Variants in CNOT2 observed in about 807,000 individuals in gnomAD.
CNOT2 encodes the protein CC chemokine receptor 4-negative regulator of transcription 2.
CNOT2 carries 7 observed loss-of-function variants against 72.1 expected under a neutral mutation model. The observed-to-expected ratio is 0.10, with a 90% confidence interval of 0.06 to 0.18. The LOEUF is 0.18. Ranked by LOEUF, CNOT2 falls within the 10% of genes least tolerant of loss-of-function variation. The probability of loss-of-function intolerance (pLI) is 1.00; values close to 1 mark genes in which losing one functional copy is unlikely to be tolerated. For synonymous variants in CNOT2, 196 were observed against 225.6 expected (o/e 0.87, Z 1.17); for missense variants, 345 against 660.3 (o/e 0.52, Z 5.23).
At chr12:70,342,054 T>A (rs1881582762) in intron 11 of CNOT2, 53 bp from the exon 12 acceptor site, 2 of 1,091,710 alleles carry the variant, frequency 1.8e-6, no homozygotes, top group Admixed American at 1.7e-5. Flanking sequence ...TGAAATAAAA[T>A]TAGAAATCTC....
chr12:70,277,929 A>G (rs1431905997), intron 1 of CNOT2, among the ~76,000 whole-genome samples: 7 of 152,220 alleles, frequency 4.6e-5, no homozygotes, highest in Non-Finnish European at 2.9e-5. Flanking sequence ...AGAAGTGGGT[A>G]GGAAGAATGT....
At chr12:70,253,875 CT>C (rs1463393944) in intron 1 of CNOT2, among the ~76,000 whole-genome samples, 2 of 152,242 alleles carry the variant, frequency 1.3e-5, no homozygotes, top group Middle Eastern at 3.4e-3. Context: ...CTGTTCCCCC[CT>C]ATACATACAT....
intron 2 of CNOT2, chr12:70,294,095 A>G: frequency 6.2e-6 from 8 of 1,283,356 alleles, no homozygotes; most frequent in Non-Finnish European, 8.1e-6. Context: ...ATCGTTTATC[A>G]TGTTCTGGTT....
intron 2 of CNOT2, among the ~76,000 whole-genome samples, chr12:70,298,155 C>G (rs1009562192): frequency 1.3e-5 from 2 of 152,176 alleles, no homozygotes; most frequent in African/African-American, 4.8e-5. Flanking sequence ...GCTTTTGTCT[C>G]ACATGTCTAT....
intron 1 of CNOT2, 98 bp from the exon 2 acceptor site, chr12:70,278,034 T>G: frequency 2.1e-6 from 1 of 486,280 alleles, no homozygotes; most frequent in Non-Finnish European, 3.7e-6. Flanking sequence ...AATTACTTTT[T>G]GTTTTTTGTT....
At chr12:70,352,298 A>G (rs1447784646) in intron 15 of CNOT2, among the ~76,000 whole-genome samples, 1 of 152,206 alleles carries the variant, frequency 6.6e-6, no homozygotes, top group African/African-American at 2.4e-5. Flanking sequence ...TTCTTCAGGT[A>G]CAAAATGAAA....
At position 70,299,839 on chromosome 12, in the gene CNOT2, A is replaced by G. The variant is rs555305558; in HGVS notation, c.49-11056A>G. Among the ~76,000 whole-genome samples the G allele has an allele frequency of 4.0e-3, 602 of 152,330 alleles. 4 individuals are homozygous for G. The highest frequency in any genetic ancestry group is 0.014 in the African/African-American group (574 of 41,564). On this transcript the variant is annotated intron_variant, in intron 2 of 15. Coordinates refer to ENST00000229195, the MANE Select transcript of CNOT2 (RefSeq NM_014515.7). The stretch of plus-strand genomic sequence containing the variant: ...GGTTGAACTAGTTTACAGTCCCACC[A>G]GCAGTGTAAAAGTGTTCCTATTTCT...
intron 15 of CNOT2, among the ~76,000 whole-genome samples, chr12:70,352,764 T>C (rs1883025893): frequency 1.3e-5 from 2 of 152,210 alleles, no homozygotes. Context: ...CATTTTTTTC[T>C]AATATACATA....
intron 11 of CNOT2, among the ~76,000 whole-genome samples, chr12:70,339,070 G>A (rs1881124631): frequency 7.7e-6 from 1 of 129,486 alleles, no homozygotes; most frequent in African/African-American, 3.3e-5. Flanking sequence ...GTATATATGT[G>A]TGTGTGTATA....
Position 70,285,230 on chromosome 12 carries a change from G to A in CNOT2, c.48+6956G>A, listed in dbSNP as rs1273456314. Among the ~76,000 whole-genome samples the A allele has an allele frequency of 1.3e-4, 20 of 149,648 alleles. 1 individual carries two copies. On this transcript the variant is annotated intron_variant, in intron 2 of 15. Coordinates refer to ENST00000229195, the MANE Select transcript of CNOT2 (RefSeq NM_014515.7). ...TTTTTGTTTTTGTTTTTTTTTTTTA[G>A]ACGAACTCTTGCTCTGTTGCCCAGG...
chr12:70,250,448 A>G (rs1029526348), intron 1 of CNOT2, among the ~76,000 whole-genome samples: 6 of 152,120 alleles, frequency 3.9e-5, no homozygotes, highest in Admixed American at 1.3e-4. Context: ...ATGAGTGTTT[A>G]GTCTCTGCTT....
chr12:70,326,040 T>C (rs1175319640), intron 4 of CNOT2, among the ~76,000 whole-genome samples: 1 of 148,144 alleles, frequency 6.8e-6, no homozygotes, highest in Admixed American at 6.7e-5. Flanking sequence ...ATTTCTTAGA[T>C]CATATTCTTT....
At chr12:70,261,399 CCACCTCCTAGGTT>C (rs1476856675) in intron 1 of CNOT2, among the ~76,000 whole-genome samples, 1 of 144,664 alleles carries the variant, frequency 6.9e-6, no homozygotes, top group African/African-American at 2.5e-5. Context: ...ACTGCAACCT[CCACCTCCTAGGTT>C]CACGCCATTC....
intron 1 of CNOT2, among the ~76,000 whole-genome samples, chr12:70,263,665 T>C (rs1224954338): frequency 6.6e-6 from 1 of 152,240 alleles, no homozygotes; most frequent in Non-Finnish European, 1.5e-5. Flanking sequence ...GAAGTCTTTA[T>C]TAAGTCTGAC....
chr12:70,354,171 T>C lies in CNOT2; in HGVS notation c.*256T>C. The C allele has an allele frequency of 1.8e-6, 1 of 547,570 alleles. No individual in the cohort carries two copies. Among genetic ancestry groups the C allele is most frequent in the Non-Finnish European group, 2.8e-6 (1 of 359,906 alleles). 33.9% of individuals were successfully genotyped at this position (547,570 alleles called of 1,614,324 possible). On this transcript the variant is annotated 3_prime_UTR_variant, in exon 16 of 16. Coordinates refer to ENST00000229195, the MANE Select transcript of CNOT2 (RefSeq NM_014515.7). ...CTGAATTTTTTCATTTATTTCCTTT[T>C]TTGCCAGCAGACAGACTTGAGTCTG...
chr12:70,260,586 A>G (rs144109288), intron 1 of CNOT2, among the ~76,000 whole-genome samples: 1 of 151,782 alleles, frequency 6.6e-6, no homozygotes, highest in South Asian at 2.1e-4. Context: ...TATATTTTCA[A>G]GTCTCCTGTT....
rs1387097201 is a variant in CNOT2 at position 70,308,579 on chromosome 12, C to G, written c.49-2316C>G. Among the ~76,000 whole-genome samples, 8 of 146,114 alleles carry G rather than the reference C, an allele frequency of 5.5e-5. No homozygotes were observed. The East Asian group carries it at 1.8e-3, about 32-fold the overall frequency. Reference sequence around the variant, plus strand: ...TTTCTCTCTCTCTCTCTCTCTCTCTCTCTCTCACACACACACACACACACA... The same window carrying G: ...TTTCTCTCTCTCTCTCTCTCTCTCTGTCTCTCACACACACACACACACACA... On this transcript the variant is annotated intron_variant, in intron 2 of 15. Coordinates refer to ENST00000229195, the MANE Select transcript of CNOT2 (RefSeq NM_014515.7).
chr12:70,321,619 A>C (rs993791659), intron 4 of CNOT2: 28 of 151,918 alleles, frequency 1.8e-4, no homozygotes, highest in African/African-American at 6.8e-4. Flanking sequence ...TCCCAAGTGC[A>C]TTGAGTACCA....
At position 70,319,279 on chromosome 12, in the gene CNOT2, A is replaced by G. The variant is rs1056415796; in HGVS notation, c.172-19A>G. 2.5e-6 allele frequency: 4 copies of G among 1,606,284 alleles called. No individual in the cohort carries two copies. Among genetic ancestry groups the G allele is most frequent in the Admixed American group, 1.7e-5 (1 of 59,740 alleles). ...TGCTCTGTTTTCTTTATGCTCTAAT[A>G]TAATTAATTTGTTTCTAGATGCTGG... On this transcript the variant is annotated intron_variant, in intron 3 of 15. Coordinates refer to ENST00000229195, the MANE Select transcript of CNOT2 (RefSeq NM_014515.7).
Sources: allele counts gnomAD v4.1 joint callset (sites outside exome capture counted in the v4.1 genomes callset), GRCh38; gene constraint gnomAD v4.1.1; transcripts MANE v1.5; gene names NCBI Gene and HGNC (gene_info 2026-07-23, HGNC 2026-07-21).